RGP1: variants seen among roughly 807,000 people sequenced by gnomAD.
The protein encoded by RGP1 is RGP1 partner of RAB6A GEF complex.
In RGP1, 28 loss-of-function variants were observed where a neutral mutation model predicts 44.5. The ratio of observed to expected loss-of-function variants is 0.63; its 90% confidence interval spans 0.47 to 0.86. The LOEUF is 0.86. Among genes scored for constraint, RGP1 ranks in the 40% least tolerant of loss-of-function variants. The pLI is 0.00. For missense variants in RGP1, 417 were observed against 490.7 expected, an observed-to-expected ratio of 0.85 and a Z score of 1.42; for synonymous variants, 212 against 196.7, an observed-to-expected ratio of 1.08 and a Z score of -0.65.
downstream of RGP1, among the ~76,000 whole-genome samples, chr9:35,762,330 C>T (rs1334248437): frequency 6.6e-6 from 1 of 152,112 alleles, no homozygotes; most frequent in Non-Finnish European, 1.5e-5. Flanking sequence ...TGATGGAGGA[C>T]AAATTTTGGC....
chr9:35,764,204 C>G, the RGP1 span, among the ~76,000 whole-genome samples: 1 of 152,154 alleles, frequency 6.6e-6, no homozygotes, highest in African/African-American at 2.4e-5. Flanking sequence ...GAAGCATTAT[C>G]CTTTTGGGAA....
intron 8 of RGP1, among the ~76,000 whole-genome samples, 181 bp downstream of exon 8, chr9:35,752,326 A>G (rs1827280265): frequency 6.6e-6 from 1 of 152,130 alleles, no homozygotes; most frequent in Admixed American, 6.5e-5. Context: ...ACTGACCCCT[A>G]AACTCCTAAC....
downstream of RGP1, among the ~76,000 whole-genome samples, chr9:35,761,703 CA>C (rs953227927): frequency 1.3e-5 from 2 of 151,770 alleles, no homozygotes; most frequent in African/African-American, 2.4e-5. Context: ...CAAAAAACCC[CA>C]AAAAAACAAA....
chr9:35,750,753 T>C lies in RGP1; in HGVS notation c.337+12T>C. On this transcript the variant is annotated intron_variant, in intron 4 of 8. Transcript: ENST00000378078. ...AGAGTCCAAATCATGTGAGTGATTGTCCCCATCCCTGAATTGCCTTCTAAG... is the reference window on the plus strand; with the variant it reads ...AGAGTCCAAATCATGTGAGTGATTGCCCCCATCCCTGAATTGCCTTCTAAG... 1 of 1,613,802 alleles carries C rather than the reference T, an allele frequency of 6.2e-7. No homozygotes were observed. Among genetic ancestry groups the C allele is most frequent in the Middle Eastern group, 1.6e-4 (1 of 6,062 alleles).
chr9:35,754,552 A>C lies in RGP1; in HGVS notation c.*1678A>C, dbSNP rs1260472481. The C allele has an allele frequency of 6.4e-6, 1 of 156,524 alleles. No homozygotes were observed. Among genetic ancestry groups the C allele is most frequent in the Non-Finnish European group, 1.4e-5 (1 of 71,168 alleles). The allele number at this position is 156,524 out of a possible 1,614,324, so 9.7% of individuals were successfully genotyped here. On this transcript the variant is annotated 3_prime_UTR_variant, in exon 9 of 9. Transcript: ENST00000378078. ...TCTCTTCCCTGACCTGGAGAGAAGG[A>C]AGCATTCCACCTTCCCCCTTTCTCC...
downstream of RGP1, among the ~76,000 whole-genome samples, chr9:35,759,662 C>T (rs2132042128): frequency 6.7e-6 from 1 of 149,946 alleles, no homozygotes; most frequent in African/African-American, 2.4e-5. Flanking sequence ...ATGATCTCTC[C>T]TCAGTAAAAC....
chr9:35,754,355 G>A lies in RGP1; in HGVS notation c.*1481G>A. 1 of 446,680 alleles carries A rather than the reference G, an allele frequency of 2.2e-6. No individual in the cohort carries two copies. Among genetic ancestry groups the A allele is most frequent in the Non-Finnish European group, 3.9e-6 (1 of 257,038 alleles). The allele number at this position is 446,680 out of a possible 1,614,324, so 27.7% of individuals were successfully genotyped here. ...GTAGAGCTGGAAAAGTTGTAACTCTGTTTCCTGAGGTGAGGGCATGAAAAC... is the reference window on the plus strand; with the variant it reads ...GTAGAGCTGGAAAAGTTGTAACTCTATTTCCTGAGGTGAGGGCATGAAAAC... On this transcript the variant is annotated 3_prime_UTR_variant, in exon 9 of 9. Coordinates refer to ENST00000378078, the MANE Select transcript of RGP1 (RefSeq NM_001080496.3).
In RGP1 at chr9:35,756,220, G is replaced by T. The variant is rs946940387; in HGVS notation, c.*3346G>T. 3 of 152,182 alleles carry T rather than the reference G, an allele frequency of 2.0e-5. No homozygotes were observed. The highest frequency in any genetic ancestry group is 2.9e-5 in the Non-Finnish European group (2 of 68,048). 9.4% of individuals were successfully genotyped at this position (152,182 alleles called of 1,614,324 possible). On this transcript the variant is annotated 3_prime_UTR_variant, in exon 9 of 9. Coordinates refer to ENST00000378078, the MANE Select transcript of RGP1 (RefSeq NM_001080496.3). ...GGATAGTCTCTTTGGCATTTATTTG[G>T]TTTTTCTACGTTTTCAGTCCCATTT... is the stretch of plus-strand genomic sequence containing the variant.
chr9:35,770,529 GA>G, the RGP1 span, among the ~76,000 whole-genome samples: 24 of 123,828 alleles, frequency 1.9e-4, 2 homozygotes, highest in South Asian at 6.1e-3. Flanking sequence ...GAGAGAGAGA[GA>G]GAGAGAGAGT....
intron 5 of RGP1, 79 bp from the exon 6 acceptor site, chr9:35,751,187 T>C (rs1473801112): frequency 1.9e-6 from 3 of 1,545,152 alleles, no homozygotes; most frequent in Non-Finnish European, 2.7e-6. Context: ...AGCCATCTCA[T>C]GTTAGAATCT....
chr9:35,750,607 G>A (rs1249446552), intron 3 of RGP1, 51 bp from the exon 4 acceptor site: 1 of 1,584,440 alleles, frequency 6.3e-7, no homozygotes. Context: ...TGCTAGTCTT[G>A]TTCAGTACTG....
rs1563973969 is a variant in RGP1 at position 35,752,136 on chromosome 9, ACAG to A, written c.945_947del (p.Ala316del). On this transcript the variant is annotated inframe_deletion, in exon 8 of 9. Transcript: ENST00000378078. ...TCTCAGCTCCACCCCAGGCTTCTGT[ACAG>A]CCATTGGTGAGACCCTCACTGTTAC... 6.4e-7 allele frequency: 1 copy of A among 1,566,154 alleles called. No homozygotes were observed. Among genetic ancestry groups the A allele is most frequent in the Non-Finnish European group, 8.6e-7 (1 of 1,157,490 alleles).
chr9:35,787,262 C>G, the RGP1 span, among the ~76,000 whole-genome samples: 1 of 152,022 alleles, frequency 6.6e-6, no homozygotes. Flanking sequence ...TGGAGACTCA[C>G]TCTTTCCCCC....
rs746815094 is a variant in RGP1 at position 35,754,149 on chromosome 9, C to T, written c.*1275C>T. The T allele has an allele frequency of 6.2e-7, 1 of 1,605,316 alleles. No individual in the cohort carries two copies. Among genetic ancestry groups the T allele is most frequent in the Non-Finnish European group, 8.5e-7 (1 of 1,174,648 alleles). On this transcript the variant is annotated 3_prime_UTR_variant, in exon 9 of 9. Transcript: ENST00000378078. Reference sequence around the variant, plus strand: ...GGCCATTGCTGCTGCACAGCCCTCTCAGACCCTTCTTGGCCTCTGCTCAGC... The same window carrying T: ...GGCCATTGCTGCTGCACAGCCCTCTTAGACCCTTCTTGGCCTCTGCTCAGC...
At chr9:35,760,774 G>A (rs1827410761), downstream of RGP1, among the ~76,000 whole-genome samples, 1 of 152,166 alleles carries the variant, frequency 6.6e-6, no homozygotes, top group Non-Finnish European at 1.5e-5. Flanking sequence ...CATAACTGCT[G>A]CATTATCTAC....
the RGP1 span, among the ~76,000 whole-genome samples, chr9:35,769,032 T>C: frequency 6.6e-6 from 1 of 152,216 alleles, no homozygotes; most frequent in African/African-American, 2.4e-5. Flanking sequence ...GAATGTGGAA[T>C]GAGGCAGGCC....
At position 35,751,694 on chromosome 9, in the gene RGP1, A is replaced by G; in HGVS notation, c.702A>G (p.Arg234=). The change falls in exon 7 of 9, where the codon AGA becomes AGG. Residue 234 remains arginine, a synonymous_variant. Coordinates refer to ENST00000378078, the MANE Select transcript of RGP1 (RefSeq NM_001080496.3). ...GTFGIFKSVY[R]LGEDVVGTLN... is the part of the protein sequence containing the mutation. ...TTGGCATCTTCAAATCTGTGTACAG[A>G]CTTGGCGAGGACGTGGTGGGGACCT... The G allele has an allele frequency of 6.2e-7, 1 of 1,613,970 alleles. No individual in the cohort carries two copies. Among genetic ancestry groups the G allele is most frequent in the East Asian group, 2.2e-5 (1 of 44,882 alleles).
At chr9:35,770,492 GGAGAGAGAGAGAGAGA>G in the RGP1 span, among the ~76,000 whole-genome samples, 2,161 of 107,088 alleles carry the variant, frequency 0.02, 63 homozygotes, top group African/African-American at 0.076. Context: ...GTATTACCAT[GGAGAGAGAGAGAGAGA>G]GAGAGAGAGA....
At chr9:35,785,907 A>G in the RGP1 span, among the ~76,000 whole-genome samples, 1 of 151,930 alleles carries the variant, frequency 6.6e-6, no homozygotes, top group African/African-American at 2.4e-5. Context: ...CTATCCCATC[A>G]TCCTAGATTA....
Sources: allele counts gnomAD v4.1 joint callset (sites outside exome capture counted in the v4.1 genomes callset), GRCh38; gene constraint gnomAD v4.1.1; transcripts MANE v1.5; gene names NCBI Gene and HGNC (gene_info 2026-07-23, HGNC 2026-07-21).